TBC1D32: variants seen among roughly 807,000 people sequenced by gnomAD.
TBC1D32 encodes protein broad-minded.
TBC1D32 carries 151 observed loss-of-function variants against 170.3 expected under a neutral mutation model. That is an observed-to-expected ratio of 0.89 (90% CI 0.78 to 1.01). The LOEUF is 1.01. Among genes scored for constraint, TBC1D32 ranks in the 50% least tolerant of loss-of-function variants. TBC1D32 has a pLI of 0.00. For synonymous variants in TBC1D32, 498 were observed against 488.0 expected, an observed-to-expected ratio of 1.02 and a Z score of -0.27; for missense variants, 1,464 against 1,457.1, an observed-to-expected ratio of 1.00 and a Z score of -0.08.
chr6:121,308,194 AGTCTGGATAAT>A, intron 4 of TBC1D32, 93 bp from the exon 5 acceptor site: 1 of 1,206,962 alleles, frequency 8.3e-7, no homozygotes, highest in Non-Finnish European at 1.2e-6. Context: ...TAAAAGGTAA[AGTCTGGATAAT>A]TTATAAAGAA....
intron 26 of TBC1D32, among the ~76,000 whole-genome samples, chr6:121,118,976 G>T (rs1018319133): frequency 9.2e-5 from 14 of 152,042 alleles, no homozygotes; most frequent in South Asian, 2.1e-4. Flanking sequence ...ACCCCTGCCT[G>T]GAAGACTTTT....
At chr6:121,102,655 A>T (rs1240387463) in intron 30 of TBC1D32, among the ~76,000 whole-genome samples, 2 of 152,120 alleles carry the variant, frequency 1.3e-5, no homozygotes, top group African/African-American at 4.8e-5. Context: ...AACCTAGGCA[A>T]TACCATTCAG....
chr6:121,256,375 C>T (rs1486965498), intron 15 of TBC1D32, 90 bp from the exon 16 acceptor site: 1 of 1,071,126 alleles, frequency 9.3e-7, no homozygotes, highest in Non-Finnish European at 1.3e-6. Flanking sequence ...GTCACAAAAA[C>T]TTAGTCCTCC....
chr6:121,143,124 T>C (rs1466504564), intron 24 of TBC1D32, among the ~76,000 whole-genome samples: 1 of 152,168 alleles, frequency 6.6e-6, no homozygotes, highest in Admixed American at 6.5e-5. Flanking sequence ...ATACTACCTA[T>C]CTATACCCTC....
chr6:121,115,768 G>A (rs530292577), intron 26 of TBC1D32: 3 of 152,254 alleles, frequency 2.0e-5, no homozygotes, highest in African/African-American at 7.2e-5. Flanking sequence ...GTGAAGAAAG[G>A]GTTAGTTATA....
intron 24 of TBC1D32, among the ~76,000 whole-genome samples, chr6:121,147,941 A>G (rs1180973708): frequency 1.2e-4 from 17 of 144,838 alleles, no homozygotes; most frequent in Non-Finnish European, 2.6e-4. Flanking sequence ...TTTGAGAAGT[A>G]TCAGTCCATG....
intron 1 of TBC1D32, among the ~76,000 whole-genome samples, chr6:121,328,858 AACCT>A (rs1462681889): frequency 6.6e-6 from 1 of 152,188 alleles, no homozygotes; most frequent in Non-Finnish European, 1.5e-5. Flanking sequence ...ACATTTGACT[AACCT>A]TGTTACTTTA....
At chr6:121,139,467 C>G (rs1045047685) in intron 24 of TBC1D32, among the ~76,000 whole-genome samples, 2 of 152,136 alleles carry the variant, frequency 1.3e-5, no homozygotes, top group Admixed American at 6.5e-5. Context: ...AATAATTCAT[C>G]AGAGACATGA....
intron 15 of TBC1D32, among the ~76,000 whole-genome samples, chr6:121,258,013 G>A (rs1195413627): frequency 3.9e-5 from 6 of 152,038 alleles, no homozygotes; most frequent in South Asian, 2.1e-4. Context: ...CCATTCCAGT[G>A]ATAGTGCTGG....
chr6:121,210,788 A>T (rs747355582), intron 21 of TBC1D32, among the ~76,000 whole-genome samples: 3 of 152,220 alleles, frequency 2.0e-5, no homozygotes, highest in Non-Finnish European at 4.4e-5. Flanking sequence ...GGTATAAGGG[A>T]AGTTCTCCAA....
chr6:121,110,266 TTA>T (rs201990975), intron 29 of TBC1D32, among the ~76,000 whole-genome samples: 1 of 143,954 alleles, frequency 6.9e-6, no homozygotes, highest in East Asian at 2.0e-4. Context: ...AAAAAAAATT[TTA>T]TATATATATA....
chr6:121,257,264 T>A (rs992113934), intron 15 of TBC1D32, among the ~76,000 whole-genome samples: 7 of 152,104 alleles, frequency 4.6e-5, no homozygotes, highest in Non-Finnish European at 7.3e-5. Context: ...CTTGGTAAAA[T>A]AACTTCATAG....
chr6:121,126,295 A>G (rs931058334), intron 26 of TBC1D32, 83 bp downstream of exon 26: 54 of 1,002,792 alleles, frequency 5.4e-5, no homozygotes, highest in Non-Finnish European at 7.2e-5. Flanking sequence ...AAAACTGCCT[A>G]TCTGTAATAT....
intron 30 of TBC1D32, among the ~76,000 whole-genome samples, chr6:121,095,508 G>A (rs1777294189): frequency 6.6e-6 from 1 of 152,114 alleles, no homozygotes; most frequent in African/African-American, 2.4e-5. Flanking sequence ...CTTGTCTTGT[G>A]TTGGTATTCA....
chr6:121,184,165 T>C (rs6569178), intron 22 of TBC1D32, among the ~76,000 whole-genome samples: 1 of 151,990 alleles, frequency 6.6e-6, no homozygotes, highest in East Asian at 1.9e-4. Flanking sequence ...GGACAATGTA[T>C]CTTTACCATT....
chr6:121,258,834 T>C (rs1028154728), intron 15 of TBC1D32, among the ~76,000 whole-genome samples: 1 of 152,154 alleles, frequency 6.6e-6, no homozygotes, highest in South Asian at 2.1e-4. Context: ...CTCTTCTTAT[T>C]GAACATTTGA....
chr6:121,252,257 TAAAG>T (rs1356770050), intron 17 of TBC1D32, among the ~76,000 whole-genome samples: 8 of 152,190 alleles, frequency 5.3e-5, no homozygotes, highest in Admixed American at 2.0e-4. Context: ...CATTCTACTA[TAAAG>T]ACACATGCAC....
At chr6:121,322,881 T>C (rs1047802007) in intron 1 of TBC1D32, among the ~76,000 whole-genome samples, 1 of 152,204 alleles carries the variant, frequency 6.6e-6, no homozygotes, top group African/African-American at 2.4e-5. Context: ...GTTAATTCCT[T>C]GTTCATGTAA....
chr6:121,104,735 A>G (rs1012325806), intron 30 of TBC1D32, among the ~76,000 whole-genome samples: 2 of 151,696 alleles, frequency 1.3e-5, no homozygotes, highest in Non-Finnish European at 3.0e-5. Flanking sequence ...TACCATATCC[A>G]TGTGGAAAAA....
Sources: allele counts gnomAD v4.1 joint callset (sites outside exome capture counted in the v4.1 genomes callset), GRCh38; gene constraint gnomAD v4.1.1; transcripts MANE v1.5; gene names NCBI Gene and HGNC (gene_info 2026-07-23, HGNC 2026-07-21).